KIF13A: variants seen among roughly 807,000 people sequenced by gnomAD.
KIF13A encodes the protein kinesin-like protein KIF13A.
In KIF13A, 79 loss-of-function variants were observed where a neutral mutation model predicts 212.2. The ratio of observed to expected loss-of-function variants is 0.37; its 90% CI spans 0.31 to 0.45. KIF13A has a LOEUF of 0.45. Ranked by LOEUF, KIF13A falls within the 20% of genes least tolerant of loss-of-function variation. KIF13A has a pLI of 1.00. For missense variants in KIF13A, 1,901 were observed against 2,209.0 expected (o/e 0.86, Z 2.79); for synonymous variants, 789 against 808.6 (o/e 0.98, Z 0.41).
At chr6:17,833,143 G>A (rs1437090723) in intron 12 of KIF13A, among the ~76,000 whole-genome samples, 1 of 151,436 alleles carries the variant, frequency 6.6e-6, no homozygotes, top group African/African-American at 2.4e-5. Context: ...AACACGTCTA[G>A]CAAATATACA....
intron 34 of KIF13A, 88 bp from the exon 35 acceptor site, chr6:17,775,150 G>A: frequency 9.8e-7 from 1 of 1,022,366 alleles, no homozygotes; most frequent in Non-Finnish European, 1.5e-6. Context: ...TGTCACAGTT[G>A]AAGCCTGCAG....
chr6:17,804,755 G>A (rs1394618616), intron 19 of KIF13A, among the ~76,000 whole-genome samples: 2 of 131,830 alleles, frequency 1.5e-5, no homozygotes, highest in African/African-American at 5.5e-5. Context: ...AGAGGTTTCA[G>A]TGAGCTGAGA....
chr6:17,814,832 T>A (rs965049627), intron 17 of KIF13A, among the ~76,000 whole-genome samples: 1 of 152,214 alleles, frequency 6.6e-6, no homozygotes, highest in Non-Finnish European at 1.5e-5. Flanking sequence ...TACCATTTCC[T>A]CCACTGTAGG....
At chr6:17,870,822 G>T (rs1188926947) in intron 4 of KIF13A, among the ~76,000 whole-genome samples, 1 of 152,002 alleles carries the variant, frequency 6.6e-6, no homozygotes, top group Non-Finnish European at 1.5e-5. Context: ...TACCACCATG[G>T]CTCTGTATCT....
Position 17,769,345 on chromosome 6 carries a change from A to G in KIF13A, c.4581+1769T>C, listed in dbSNP as rs1759294817. On this transcript the variant is annotated intron_variant, in intron 38 of 38. Coordinates refer to ENST00000259711, the MANE Select transcript of KIF13A (RefSeq NM_022113.6). This position sits in a 1 kb window ranked among gnomAD's most constrained non-coding sequence, Gnocchi z 5.8. ...AGAGTGCTCAGCAAGCCAGTTTCCT[A>G]TGGAGAGTAGAGACAGCTTTTTCAA... Among the ~76,000 whole-genome samples, 1 of 152,178 alleles carries G rather than the reference A, an allele frequency of 6.6e-6. No homozygotes were observed. The highest frequency in any genetic ancestry group is 2.4e-5 in the African/African-American group (1 of 41,454).
chr6:17,794,377 G>C lies in KIF13A; in HGVS notation c.3094C>G (p.Gln1032Glu). 6.2e-7 allele frequency: 1 copy of C among 1,613,554 alleles called. No individual in the cohort carries two copies. The highest frequency in any genetic ancestry group is 8.5e-7 in the Non-Finnish European group (1 of 1,179,564). The change falls in exon 25 of 39, where the codon CAA (glutamine) becomes GAA (glutamate). Residue 1032 changes from glutamine (Q) to glutamate (E), a missense_variant. Coordinates refer to ENST00000259711, the MANE Select transcript of KIF13A (RefSeq NM_022113.6). The surrounding 1 kb of genome is among the most constrained non-coding windows in gnomAD (Gnocchi z 4.1). ...TGCTGCACAGGTTTCACCGTGACTTGTACTCTACGGGAATGACCCTGAAGA... is the reference window on the plus strand; with the variant it reads ...TGCTGCACAGGTTTCACCGTGACTTCTACTCTACGGGAATGACCCTGAAGA... ...QLRQGHSRRV[Q>E]VTVKPVQHSG...
At chr6:17,905,778 G>A (rs1773443277) in intron 2 of KIF13A, among the ~76,000 whole-genome samples, 1 of 152,156 alleles carries the variant, frequency 6.6e-6, no homozygotes, top group Admixed American at 6.5e-5. Flanking sequence ...TCATTTGAGG[G>A]CCACAGACTC....
chr6:17,876,502 C>T (rs1222047015), intron 3 of KIF13A, among the ~76,000 whole-genome samples: 1 of 152,186 alleles, frequency 6.6e-6, no homozygotes, highest in Non-Finnish European at 1.5e-5. Context: ...TTGGTTAAAT[C>T]CAAAGGAATC....
intron 25 of KIF13A, among the ~76,000 whole-genome samples, chr6:17,792,855 A>AG (rs1761711207): frequency 6.6e-6 from 1 of 152,226 alleles, no homozygotes; most frequent in Non-Finnish European, 1.5e-5. Flanking sequence ...CCAAAAGGAA[A>AG]CTAAGATAGA....
chr6:17,892,360 T>C lies in KIF13A; in HGVS notation c.159+5808A>G, dbSNP rs1048456529. On this transcript the variant is annotated intron_variant, in intron 3 of 38. Transcript: ENST00000259711. The surrounding 1 kb of genome is among the most constrained non-coding windows in gnomAD (Gnocchi z 4.7). The stretch of plus-strand genomic sequence containing the variant: ...TGCAAACCCTTATTTCCTTTTTTTC[T>C]GATGTATTTTACTGAATACTACCAC... Among the ~76,000 whole-genome samples, 1 of 152,220 alleles carries C rather than the reference T, an allele frequency of 6.6e-6. No individual in the cohort carries two copies. The highest frequency in any genetic ancestry group is 1.5e-5 in the Non-Finnish European group (1 of 68,042).
In KIF13A at chr6:17,811,340, C is replaced by T. The variant is rs1178322158; in HGVS notation, c.2001-2410G>A. On this transcript the variant is annotated intron_variant, in intron 17 of 38. Coordinates refer to ENST00000259711, the MANE Select transcript of KIF13A (RefSeq NM_022113.6). The surrounding 1 kb of genome is among the most constrained non-coding windows in gnomAD (Gnocchi z 6.0). Reference sequence around the variant, plus strand: ...TACCAGGTGACCACATCATTCTAGGCACTAGGGATACTTCAAAGGATTCCC... The same window carrying T: ...TACCAGGTGACCACATCATTCTAGGTACTAGGGATACTTCAAAGGATTCCC... Among the ~76,000 whole-genome samples, 13 of 152,156 alleles carry T rather than the reference C, an allele frequency of 8.5e-5. No homozygotes were observed. The highest frequency in any genetic ancestry group is 7.2e-4 in the Admixed American group (11 of 15,276).
At position 17,945,552 on chromosome 6, in the gene KIF13A, A is replaced by T. The variant is rs541039675; in HGVS notation, c.146+41502T>A. Among the ~76,000 whole-genome samples, 361 of 152,368 alleles carry T rather than the reference A, an allele frequency of 2.4e-3. 8 individuals are homozygous for T. The South Asian group carries it at 0.071, about 30-fold the overall frequency. On this transcript the variant is annotated intron_variant, in intron 2 of 38. Transcript: ENST00000259711. The stretch of plus-strand genomic sequence containing the variant: ...AAAAATTTTAAGTACCCAGATACAA[A>T]TCTAACAAAAAAGATGCAAAAACCT...
chr6:17,886,957 CATT>C lies in KIF13A; in HGVS notation c.159+11208_159+11210del, dbSNP rs1164510566. The stretch of plus-strand genomic sequence containing the variant: ...TATAATGACAAAGTGTGGTATATTG[CATT>C]ACTGTTCCAAATGATTCCTGGCCCT... On this transcript the variant is annotated intron_variant, in intron 3 of 38. Transcript: ENST00000259711. This position sits in a 1 kb window ranked among gnomAD's most constrained non-coding sequence, Gnocchi z 5.6. 2.0e-5 allele frequency among the ~76,000 whole-genome samples: 3 copies of C among 151,894 alleles called. No individual in the cohort carries two copies. Among genetic ancestry groups the C allele is most frequent in the Non-Finnish European group, 4.4e-5 (3 of 67,980 alleles).
intron 4 of KIF13A, among the ~76,000 whole-genome samples, chr6:17,866,826 CGCATATATATATATATATAT>C (rs1208162313): frequency 0.03 from 3,682 of 122,124 alleles, 297 homozygotes; most frequent in African/African-American, 0.09. Context: ...AAAAAAGCAG[CGCATATATATATATATATAT>C]ATATATATAT....
At chr6:17,781,567 T>C (rs1238518465) in intron 29 of KIF13A, among the ~76,000 whole-genome samples, 2 of 151,742 alleles carry the variant, frequency 1.3e-5, no homozygotes, top group South Asian at 2.1e-4. Flanking sequence ...TCAATGAATC[T>C]TCCTGCCTTG....
At chr6:17,876,691 G>A (rs373793613) in intron 3 of KIF13A, among the ~76,000 whole-genome samples, 2 of 152,070 alleles carry the variant, frequency 1.3e-5, no homozygotes, top group African/African-American at 4.8e-5. Context: ...CCAGACTGGA[G>A]TGCACTGGCA....
intron 23 of KIF13A, among the ~76,000 whole-genome samples, chr6:17,796,215 T>G (rs924332646): frequency 2.0e-5 from 3 of 151,252 alleles, no homozygotes; most frequent in Non-Finnish European, 2.9e-5. Flanking sequence ...TTTTCTTTTT[T>G]TTTGGAGACG....
In KIF13A at chr6:17,917,289, G is replaced by C. The variant is rs1038237943; in HGVS notation, c.147-19109C>G. Among the ~76,000 whole-genome samples the C allele has an allele frequency of 2.1e-5, 3 of 142,048 alleles. No individual in the cohort carries two copies. The South Asian group carries it at 6.6e-4, about 31-fold the overall frequency. The allele number at this position is 142,048 out of a possible 152,430, so 93.2% of individuals were successfully genotyped here. A position where few individuals can be genotyped will look rare whatever the true frequency, so the allele number is the denominator to read the frequency against. Reference sequence around the variant, plus strand: ...AGAGTCTCGCTCTGTTGCCCAGGCTGGAGTACAGTGGCACGACCTCAGCTC... The same window carrying C: ...AGAGTCTCGCTCTGTTGCCCAGGCTCGAGTACAGTGGCACGACCTCAGCTC... On this transcript the variant is annotated intron_variant, in intron 2 of 38. Coordinates refer to ENST00000259711, the MANE Select transcript of KIF13A (RefSeq NM_022113.6).
rs71002278 is a variant in KIF13A at position 17,868,989 on chromosome 6, CAAAAAAAAAAA to C, written c.220+4377_220+4387del. ...TGGGCGACAGAGGGAGACTCCCTCTCAAAAAAAAAAAAAAAAAAAAAAAAAAAAAAACACAA... is the reference window on the plus strand; with the variant it reads ...TGGGCGACAGAGGGAGACTCCCTCTCAAAAAAAAAAAAAAAAAAAACACAA... On this transcript the variant is annotated intron_variant, in intron 4 of 38. Coordinates refer to ENST00000259711, the MANE Select transcript of KIF13A (RefSeq NM_022113.6). Among the ~76,000 whole-genome samples, 42 of 20,920 alleles carry C rather than the reference CAAAAAAAAAAA, an allele frequency of 2.0e-3. No homozygotes were observed. In the South Asian group the frequency reaches 0.03, roughly 15 times the overall value. 13.7% of individuals were successfully genotyped at this position (20,920 alleles called of 152,430 possible).
Sources: allele counts gnomAD v4.1 joint callset (sites outside exome capture counted in the v4.1 genomes callset), GRCh38; gene constraint gnomAD v4.1.1; non-coding constraint Gnocchi (gnomAD v3.1); transcripts MANE v1.5; gene names NCBI Gene and HGNC (gene_info 2026-07-23, HGNC 2026-07-21).